The following ANKK1 variants were observed in gnomAD, a reference collection of about 807,000 sequenced individuals.
ANKK1 encodes ankyrin repeat and kinase domain containing 1, also known as ankyrin repeat and protein kinase domain-containing protein 1.
A neutral mutation model predicts 37.6 loss-of-function variants in ANKK1; 37 were observed. The ratio of observed to expected loss-of-function variants is 0.98; its 90% confidence interval spans 0.76 to 1.29. The LOEUF (loss-of-function observed/expected upper bound fraction) is 1.29, where lower values mean the gene tolerates loss of function less well. Among genes scored for constraint, ANKK1 ranks in the 50% most tolerant of loss-of-function variants. The probability of loss-of-function intolerance (pLI) is 0.00; values close to 1 mark genes in which losing one functional copy is unlikely to be tolerated. For missense variants in ANKK1, 1,019 were observed against 990.6 expected, an observed-to-expected ratio of 1.03 and a Z score of -0.39; for synonymous variants, 415 against 418.7, an observed-to-expected ratio of 0.99 and a Z score of 0.11.
chr11:113,393,559 G>T lies in ANKK1; in HGVS notation c.264G>T (p.Gly88=). The change falls in exon 2 of 8, where the codon GGG becomes GGT. Residue 88 remains glycine, a synonymous_variant. Transcript: ENST00000303941. ...IKFQHIVSIY[G]VCKQPLGIVM... ...TTCAGCACATCGTGTCTATCTACGG[G>T]GTGTGCAAGCAGCCCCTGGGTATTG... 6.2e-7 allele frequency: 1 copy of T among 1,613,970 alleles called. No individual in the cohort carries two copies. The highest frequency in any genetic ancestry group is 1.1e-5 in the South Asian group (1 of 91,076).
At position 113,400,143 on chromosome 11, in the gene ANKK1, G is replaced by A. The variant is rs758040982; in HGVS notation, c.2174G>A (p.Ser725Asn). ...CAGCTGGACGTCCAGGATGGAGTGA[G>A]CTGCACACCCCTGCAACTGGCCCTC... Reference protein sequence around the residue: ...GAQLDVQDGVSCTPLQLALRS... With the variant: ...GAQLDVQDGVNCTPLQLALRS... The change falls in exon 8 of 8, where the codon AGC (serine) becomes AAC (asparagine). Residue 725 changes from serine to asparagine, a missense_variant. Ser to Asn is a conservative substitution (Grantham distance 46). Transcript: ENST00000303941. 6.2e-7 allele frequency: 1 copy of A among 1,607,024 alleles called. No individual in the cohort carries two copies. The highest frequency in any genetic ancestry group is 1.1e-5 in the South Asian group (1 of 90,060).
In ANKK1 at chr11:113,394,943, C is replaced by T; in HGVS notation, c.495C>T (p.Gly165=). 6.2e-7 allele frequency: 1 copy of T among 1,609,622 alleles called. No individual in the cohort carries two copies. Among genetic ancestry groups the T allele is most frequent in the East Asian group, 2.2e-5 (1 of 44,760 alleles). ...CCTTCTCCCAGATTTCAGACTTCGG[C>T]CTGTCCAAGTGGATGGAACAGTCCA... ...SNMHVKISDF[G]LSKWMEQSTR... The change falls in exon 3 of 8, where the codon GGC becomes GGT. Residue 165 remains glycine, a synonymous_variant. Transcript: ENST00000303941.
At chr11:113,396,280 G>C in intron 5 of ANKK1, 58 bp downstream of exon 5, 5 of 1,594,522 alleles carry the variant, frequency 3.1e-6, no homozygotes, top group Non-Finnish European at 4.3e-6. Context: ...CGGGAGGGGA[G>C]ATGACTGGGC....
Position 113,398,970 on chromosome 11 carries a change from G to A in ANKK1, c.1001G>A (p.Gly334Glu), listed in dbSNP as rs770433770. The change falls in exon 8 of 8, where the codon GGA becomes GAA. Residue 334 changes from glycine (G) to glutamate (E), a missense_variant. Physicochemically the swap from Gly to Glu is moderately conservative, Grantham distance 98. Transcript: ENST00000303941. ...CCCATCTTTCTCCCAGCAGACTCAG[G>A]AAACTACCTGAAGCGGGCCCTTCAG... Reference protein sequence around the residue: ...ISQELMDSDSGNYLKRALQLS... With the variant: ...ISQELMDSDSENYLKRALQLS... 1.9e-6 allele frequency: 3 copies of A among 1,572,346 alleles called. No individual in the cohort carries two copies. The highest frequency in any genetic ancestry group is 2.3e-5 in the East Asian group (1 of 42,660).
At chr11:113,394,403 C>T (rs921948976) in intron 2 of ANKK1, among the ~76,000 whole-genome samples, 1 of 152,172 alleles carries the variant, frequency 6.6e-6, no homozygotes, top group Non-Finnish European at 1.5e-5. Context: ...TGTGTGTTGG[C>T]AGGGGGTGTC....
chr11:113,389,941 A>G (rs1278122927), intron 1 of ANKK1, among the ~76,000 whole-genome samples: 1 of 152,198 alleles, frequency 6.6e-6, no homozygotes, highest in Non-Finnish European at 1.5e-5. Flanking sequence ...TGGTTAAGTT[A>G]GGAGATTGTT....
Position 113,400,248 on chromosome 11 carries a change from G to A in ANKK1, c.2279G>A (p.Gly760Glu), listed in dbSNP as rs921869041. 3 of 1,539,974 alleles carry A rather than the reference G, an allele frequency of 1.9e-6. No homozygotes were observed. The highest frequency in any genetic ancestry group is 2.6e-6 in the Non-Finnish European group (3 of 1,139,812). ...GCCACTCTGGGTGGTTCTAAGCCAG[G>A]AGCCGAGATGGAAATTTAGACAACT... The part of the protein sequence containing the change: ...SVATLGGSKP[G>E]AEMEI Residue 760 changes from glycine (G) to glutamate (E), a missense_variant, in exon 8 of 8, where the codon GGA (glycine) becomes GAA (glutamate). By Grantham distance (98) the Gly-to-Glu change is moderately conservative (BLOSUM62 -2). Coordinates refer to ENST00000303941, the MANE Select transcript of ANKK1 (RefSeq NM_178510.2).
intron 1 of ANKK1, among the ~76,000 whole-genome samples, chr11:113,388,938 GTC>G (rs748106109): frequency 3.9e-5 from 6 of 152,116 alleles, no homozygotes; most frequent in Non-Finnish European, 7.4e-5. Context: ...CGGGACGGGG[GTC>G]TCTCTGACTG....
At position 113,393,574 on chromosome 11, in the gene ANKK1, C is replaced by T. The variant is rs777287461; in HGVS notation, c.279C>T (p.Pro93=). ...CTATCTACGGGGTGTGCAAGCAGCC[C>T]CTGGGTATTGTGATGGAGTTTATGG... ...IVSIYGVCKQ[P]LGIVMEFMAN... The change falls in exon 2 of 8, where the codon CCC becomes CCT. Residue 93 remains proline, a synonymous_variant. Transcript: ENST00000303941. 6 of 1,613,856 alleles carry T rather than the reference C, an allele frequency of 3.7e-6. No individual in the cohort carries two copies. The Admixed American group carries it at 5.0e-5, about 13-fold the overall frequency.
chr11:113,400,224 C>A lies in ANKK1; in HGVS notation c.2255C>A (p.Ala752Asp), dbSNP rs1200079079. The change falls in exon 8 of 8, where the codon GCC (alanine) becomes GAC (aspartate). Residue 752 changes from alanine (A) to aspartate (D), a missense_variant. Physicochemically the swap from Ala to Asp is moderately radical, Grantham distance 126. Transcript: ENST00000303941. ...CTAGAGGGCAAGGAGCCGTCAGTGGCCACTCTGGGTGGTTCTAAGCCAGGA... is the reference window on the plus strand; with the variant it reads ...CTAGAGGGCAAGGAGCCGTCAGTGGACACTCTGGGTGGTTCTAAGCCAGGA... ...SFLEGKEPSV[A>D]TLGGSKPGAE... 6 of 1,551,462 alleles carry A rather than the reference C, an allele frequency of 3.9e-6. No individual in the cohort carries two copies. The highest frequency in any genetic ancestry group is 5.2e-6 in the Non-Finnish European group (6 of 1,147,902).
In ANKK1 at chr11:113,398,314, TAAAAAA is replaced by T. The variant is rs10585601; in HGVS notation, c.994+313_994+318del. On this transcript the variant is annotated intron_variant, in intron 7 of 7. Transcript: ENST00000303941. ...TGCATGTTAGAATTGCTCGGGAAAT[TAAAAAA>T]AAAAAAAAAAAAAAGCTTTGCCTTG... Among the ~76,000 whole-genome samples, 10 of 128,168 alleles carry T rather than the reference TAAAAAA, an allele frequency of 7.8e-5. No homozygotes were observed. The East Asian group carries it at 2.1e-3, about 27-fold the overall frequency. The allele number at this position is 128,168 out of a possible 152,430, so 84.1% of individuals were successfully genotyped here. A position where few individuals can be genotyped will look rare whatever the true frequency, so the allele number is the denominator to read the frequency against.
rs773971137 is a variant in ANKK1, at chr11:113,398,975, T to C, written c.1006T>C (p.Tyr336His). The change falls in exon 8 of 8, where the codon TAC becomes CAC. Residue 336 changes from tyrosine (Y) to histidine (H), a missense_variant. Tyr to His is a moderately conservative substitution (Grantham distance 83). Coordinates refer to ENST00000303941, the MANE Select transcript of ANKK1 (RefSeq NM_178510.2). ...QELMDSDSGNYLKRALQLSDR... is the reference protein window; with the variant it reads ...QELMDSDSGNHLKRALQLSDR... The stretch of plus-strand genomic sequence containing the variant: ...CTTTCTCCCAGCAGACTCAGGAAAC[T>C]ACCTGAAGCGGGCCCTTCAGCTCTC... 30 of 1,576,288 alleles carry C rather than the reference T, an allele frequency of 1.9e-5. No homozygotes were observed. Among genetic ancestry groups the C allele is most frequent in the Admixed American group, 3.6e-5 (2 of 54,826 alleles).
intron 1 of ANKK1, among the ~76,000 whole-genome samples, chr11:113,391,855 G>C (rs1365235980): frequency 6.6e-6 from 1 of 152,174 alleles, no homozygotes; most frequent in Non-Finnish European, 1.5e-5. Context: ...AAAGAAAACA[G>C]AGAGGAAGTG....
intron 7 of ANKK1, among the ~76,000 whole-genome samples, chr11:113,398,402 C>T (rs927734708): frequency 4.0e-5 from 6 of 151,166 alleles, no homozygotes; most frequent in Admixed American, 2.0e-4. Context: ...GGGTAGTGAT[C>T]ATTTTTGTCA....
In ANKK1 at chr11:113,397,989, G is replaced by C. The variant is rs1219361557; in HGVS notation, c.967G>C (p.Asp323His). Residue 323 changes from aspartate (D) to histidine (H), a missense_variant, in exon 7 of 8, where the codon GAC becomes CAC. Transcript: ENST00000303941. ...SLRQPGEVNE[D>H]ISQELMDSDS... ...GGTTATGCCTCCCCAGGTTAATGAG[G>C]ACATCAGCCAGGAACTGATGGACAG... is the stretch of plus-strand genomic sequence containing the variant. 7.7e-6 allele frequency: 12 copies of C among 1,563,048 alleles called. No homozygotes were observed. Among genetic ancestry groups the C allele is most frequent in the Admixed American group, 7.6e-5 (4 of 52,578 alleles).
chr11:113,400,095 A>G lies in ANKK1; in HGVS notation c.2126A>G (p.Lys709Arg). ...CTCAAGGGCAACACAGCCATCCTCA[A>G]AGTGCTGGTCGAGGCAGGCGCCCAG... ...AALKGNTAIL[K>R]VLVEAGAQLD... The change falls in exon 8 of 8, where the codon AAA becomes AGA. Residue 709 changes from lysine to arginine, a missense_variant. Physicochemically the swap from Lys to Arg is conservative, Grantham distance 26. Transcript: ENST00000303941. 6.2e-7 allele frequency: 1 copy of G among 1,613,338 alleles called. No individual in the cohort carries two copies. The highest frequency in any genetic ancestry group is 8.5e-7 in the Non-Finnish European group (1 of 1,179,780).
At chr11:113,390,798 C>A (rs116253809) in intron 1 of ANKK1, among the ~76,000 whole-genome samples, 1 of 150,004 alleles carries the variant, frequency 6.7e-6, no homozygotes. Context: ...CCAAGCACTA[C>A]GTGAAAAAAA....
chr11:113,393,341 T>C, intron 1 of ANKK1, 140 bp from the exon 2 acceptor site: 1 of 842,802 alleles, frequency 1.2e-6, no homozygotes, highest in Non-Finnish European at 1.8e-6. Context: ...TGTCTCTCTT[T>C]CCTCTTCCAC....
chr11:113,390,547 C>A (rs1033811825), intron 1 of ANKK1, among the ~76,000 whole-genome samples: 2 of 152,084 alleles, frequency 1.3e-5, no homozygotes, highest in Non-Finnish European at 2.9e-5. Flanking sequence ...CCAGCCTGAC[C>A]AATATGGTGA....
Sources: gnomAD v4.1 joint callset for allele counts (sites outside exome capture counted in the v4.1 genomes callset) on GRCh38, gnomAD v4.1.1 for gene constraint, MANE v1.5 for transcripts, NCBI Gene and HGNC (gene_info 2026-07-23, HGNC 2026-07-21) for gene names.